Variants in NCK1 observed in about 807,000 individuals in gnomAD.
NCK1 encodes NCK adaptor protein 1.
Under a neutral mutation model 36.6 loss-of-function variants are expected in NCK1, and 19 were observed. The ratio of observed to expected loss-of-function variants is 0.52; its 90% CI spans 0.36 to 0.76. The LOEUF (loss-of-function observed/expected upper bound fraction) is 0.76. NCK1 is among the 30% of genes least tolerant of loss of function. NCK1 has a pLI of 0.00. For missense variants in NCK1, 358 were observed against 445.6 expected, an observed-to-expected ratio of 0.80 and a Z score of 1.77; for synonymous variants, 165 against 156.0, an observed-to-expected ratio of 1.06 and a Z score of -0.43.
At chr3:136,935,844 C>G (rs1366391659) in intron 2 of NCK1, among the ~76,000 whole-genome samples, 1 of 152,066 alleles carries the variant, frequency 6.6e-6, no homozygotes, top group Non-Finnish European at 1.5e-5. Context: ...AAAATAGTCA[C>G]TCTCAATCAG....
chr3:136,887,636 C>A (rs12488365), intron 1 of NCK1, among the ~76,000 whole-genome samples: 103,749 of 152,104 alleles, frequency 0.68, 35,677 homozygotes, highest in East Asian at 0.87. Context: ...CTTTAGCATA[C>A]AATTCAGATA....
chr3:136,871,283 C>T (rs1370272971), intron 1 of NCK1, among the ~76,000 whole-genome samples: 3 of 151,856 alleles, frequency 2.0e-5, no homozygotes, highest in Admixed American at 6.6e-5. Context: ...GTCTGTAGTC[C>T]TAGCTACTTG....
In NCK1 at chr3:136,884,568, GTAGCTGGGAT is replaced by G. The variant is rs760794568; in HGVS notation, c.-19+22219_-19+22228del. Among the ~76,000 whole-genome samples, 167 of 152,152 alleles carry G rather than the reference GTAGCTGGGAT, an allele frequency of 1.1e-3. 1 individual carries two copies. The highest frequency in any genetic ancestry group is 1.9e-3 in the Non-Finnish European group (127 of 68,024). On this transcript the variant is annotated intron_variant, in intron 1 of 3. Transcript: ENST00000481752. Reference sequence around the variant, plus strand: ...CGATTCTTGTGCCTCAGCCTCCAGAGTAGCTGGGATTAGAGGCGTGTGGCACTATGCCCGG... The same window carrying G: ...CGATTCTTGTGCCTCAGCCTCCAGAGTAGAGGCGTGTGGCACTATGCCCGG...
intron 2 of NCK1, among the ~76,000 whole-genome samples, chr3:136,940,491 G>A (rs561014751): frequency 1.3e-5 from 2 of 152,106 alleles, no homozygotes; most frequent in African/African-American, 4.8e-5. Context: ...CTTCTTGATG[G>A]ACTGATTCTT....
intron 1 of NCK1, among the ~76,000 whole-genome samples, chr3:136,863,031 A>C (rs2108056600): frequency 6.6e-6 from 1 of 151,790 alleles, no homozygotes; most frequent in South Asian, 2.1e-4. Flanking sequence ...CTTCTGTATT[A>C]ACATACAAGT....
intron 1 of NCK1, among the ~76,000 whole-genome samples, chr3:136,926,580 T>C (rs1360932425): frequency 6.6e-6 from 1 of 152,090 alleles, no homozygotes; most frequent in Non-Finnish European, 1.5e-5. Flanking sequence ...CGGCCACTCT[T>C]TTTGTTTTTT....
chr3:136,927,561 C>T (rs1039595776), intron 1 of NCK1, among the ~76,000 whole-genome samples: 4 of 152,044 alleles, frequency 2.6e-5, no homozygotes, highest in African/African-American at 4.8e-5. Context: ...CTCCCTCTGT[C>T]GCCAGGCTGG....
intron 1 of NCK1, among the ~76,000 whole-genome samples, chr3:136,887,879 T>C (rs1939113384): frequency 6.6e-6 from 1 of 152,192 alleles, no homozygotes; most frequent in South Asian, 2.1e-4. Context: ...CAAACTGTAA[T>C]GTTTCGGTTC....
At chr3:136,867,539 C>T (rs1938486777) in intron 1 of NCK1, 1 of 150,068 alleles carries the variant, frequency 6.7e-6, no homozygotes, top group Non-Finnish European at 1.5e-5. Flanking sequence ...AGCCACTGTG[C>T]CTGGTCTGTT....
At chr3:136,913,244 C>G (rs942822003) in intron 1 of NCK1, among the ~76,000 whole-genome samples, 3 of 152,016 alleles carry the variant, frequency 2.0e-5, no homozygotes, top group African/African-American at 7.2e-5. Context: ...ATCAGATTGT[C>G]TCCTTTCCTC....
intron 1 of NCK1, among the ~76,000 whole-genome samples, chr3:136,905,926 G>T (rs1484212362): frequency 6.6e-6 from 1 of 152,078 alleles, no homozygotes; most frequent in East Asian, 1.9e-4. Flanking sequence ...CACCTGGCCA[G>T]ATTTTTTTGA....
chr3:136,905,056 A>G (rs113712094), intron 1 of NCK1, among the ~76,000 whole-genome samples: 5 of 140,826 alleles, frequency 3.6e-5, no homozygotes, highest in African/African-American at 1.1e-4. Context: ...TCTGTTTCCC[A>G]GGCTAGAGTG....
chr3:136,928,194 G>A lies in NCK1; in HGVS notation c.193G>A (p.Ala65Thr). The A allele has an allele frequency of 1.2e-6, 2 of 1,613,844 alleles. No homozygotes were observed. Among genetic ancestry groups the A allele is most frequent in the South Asian group, 1.1e-5 (1 of 90,984 alleles). ...YVERKNSARKASIVKNLKDTL... is the reference protein window; with the variant it reads ...YVERKNSARKTSIVKNLKDTL... ...GGAAAGGAAAAACAGTGCTCGGAAA[G>A]CATCTATTGTGAAAAACCTAAAGGA... is the stretch of plus-strand genomic sequence containing the variant. Residue 65 changes from alanine (A) to threonine (T), a missense_variant, in exon 2 of 4, where the codon GCA becomes ACA. By Grantham distance (58) the Ala-to-Thr change is moderately conservative. Around this residue, in one of 3 missense-constraint regions of NCK1, gnomAD observed 143 missense variants for 162.4 expected, o/e 0.88. Coordinates refer to ENST00000481752, the MANE Select transcript of NCK1 (RefSeq NM_001291999.2).
Position 136,928,166 on chromosome 3 carries a change from T to C in NCK1, c.165T>C (p.Tyr55=), listed in dbSNP as rs772639807. ...MNKTGFVPSN[Y]VERKNSARKA... is the part of the protein sequence containing the mutation. ...AAACAGGTTTTGTGCCTTCTAACTATGTGGAAAGGAAAAACAGTGCTCGGA... is the reference window on the plus strand; with the variant it reads ...AAACAGGTTTTGTGCCTTCTAACTACGTGGAAAGGAAAAACAGTGCTCGGA... The change falls in exon 2 of 4, where the codon TAT becomes TAC. Residue 55 remains tyrosine (Y), a synonymous_variant. Transcript: ENST00000481752. 5 of 1,614,116 alleles carry C rather than the reference T, an allele frequency of 3.1e-6. No homozygotes were observed. Among genetic ancestry groups the C allele is most frequent in the East Asian group, 2.2e-5 (1 of 44,872 alleles).
At position 136,933,172 on chromosome 3, in the gene NCK1, T is replaced by C. The variant is rs562620708; in HGVS notation, c.226+4945T>C. Among the ~76,000 whole-genome samples, 13 of 152,310 alleles carry C rather than the reference T, an allele frequency of 8.5e-5. 1 individual carries two copies. In the South Asian group the frequency reaches 2.5e-3, roughly 29 times the overall value. On this transcript the variant is annotated intron_variant, in intron 2 of 3. Coordinates refer to ENST00000481752, the MANE Select transcript of NCK1 (RefSeq NM_001291999.2). ...GTAGGTACTAAAACTCTCAACACAG[T>C]CCATGGTGACATTGATTCGAGTCTG...
rs567707368 is a variant in NCK1 at position 136,951,000 on chromosome 3, T to A, written c.*2547T>A. 3.9e-5 allele frequency among the ~76,000 whole-genome samples: 6 copies of A among 152,270 alleles called. No homozygotes were observed. In the South Asian group the frequency reaches 1.2e-3, roughly 32 times the overall value. On this transcript the variant is annotated 3_prime_UTR_variant, in exon 4 of 4. Coordinates refer to ENST00000481752, the MANE Select transcript of NCK1 (RefSeq NM_001291999.2). ...TATTCACACATGTATATTACACATA[T>A]ATCACTATACAGTTAACACATGCAC...
chr3:136,928,425 G>A, intron 2 of NCK1, 198 bp downstream of exon 2: 2 of 571,992 alleles, frequency 3.5e-6, no homozygotes, highest in Non-Finnish European at 6.1e-6. Flanking sequence ...GTAAATCTAG[G>A]CCCATGCTCC....
chr3:136,931,623 CATTT>C (rs906998073), intron 2 of NCK1, among the ~76,000 whole-genome samples: 11 of 152,074 alleles, frequency 7.2e-5, no homozygotes, highest in Non-Finnish European at 1.3e-4. Context: ...TTTGCTCATT[CATTT>C]GTTTATCAAC....
intron 2 of NCK1, among the ~76,000 whole-genome samples, chr3:136,944,111 CCTTTTTTTTTTTT>C (rs1311122182): frequency 6.2e-5 from 5 of 80,926 alleles, no homozygotes; most frequent in African/African-American, 2.9e-4. Flanking sequence ...GGAAAAACAA[CCTTTTTTTTTTTT>C]TTTTTTTTTT....
Sources: allele counts gnomAD v4.1 joint callset (sites outside exome capture counted in the v4.1 genomes callset), GRCh38; gene constraint gnomAD v4.1.1; regional missense constraint gnomAD v4.1.1; transcripts MANE v1.5; gene names NCBI Gene and HGNC (gene_info 2026-07-23, HGNC 2026-07-21).